The following CES1 variants were observed in gnomAD, a reference collection of about 807,000 sequenced individuals.
The protein encoded by CES1 is liver carboxylesterase 1.
CES1 carries 50 observed loss-of-function variants against 53.0 expected under a neutral mutation model. The observed-to-expected ratio is 0.94, with a 90% confidence interval of 0.75 to 1.19. CES1 has a LOEUF of 1.19. CES1 is among the 50% of genes most tolerant of loss of function. CES1 has a pLI of 0.00. For missense variants in CES1, 534 were observed against 538.0 expected (o/e 0.99, Z 0.07); for synonymous variants, 202 against 210.1 (o/e 0.96, Z 0.33).
chr16:55,830,870 G>A (rs2032636972), intron 1 of CES1, among the ~76,000 whole-genome samples: 1 of 152,008 alleles, frequency 6.6e-6, no homozygotes, highest in Non-Finnish European at 1.5e-5. Flanking sequence ...GGGAGGGAGG[G>A]AAAGAAAAGA....
intron 1 of CES1, among the ~76,000 whole-genome samples, chr16:55,830,819 A>AGGAAGGAAGGAAGGAAGGAAGGC: frequency 7.9e-6 from 1 of 127,364 alleles, no homozygotes; most frequent in African/African-American, 3.5e-5. Flanking sequence ...GGAAGGAAGG[A>AGGAAGGAAGGAAGGAAGGAAGGC]AGGCAGGCAG....
chr16:55,811,993 A>G (rs1340557601), intron 9 of CES1, among the ~76,000 whole-genome samples: 18 of 152,214 alleles, frequency 1.2e-4, no homozygotes, highest in African/African-American at 3.9e-4. Flanking sequence ...CAGGTGGTCT[A>G]GTCACATGAA....
chr16:55,830,434 C>A (rs1207379451), intron 1 of CES1, among the ~76,000 whole-genome samples: 2 of 151,978 alleles, frequency 1.3e-5, no homozygotes, highest in Admixed American at 6.6e-5. Flanking sequence ...ATCCTCCCCC[C>A]CATCTTAATT....
At chr16:55,813,807 CA>C (rs1362868174) in intron 8 of CES1, among the ~76,000 whole-genome samples, 18 of 152,336 alleles carry the variant, frequency 1.2e-4, no homozygotes, top group African/African-American at 4.1e-4. Flanking sequence ...GACATCACTA[CA>C]AAAAGCACAA....
In CES1 at chr16:55,816,982, G is replaced by A; in HGVS notation, c.907-20C>T. ...GAATTTCTGTGAAGACAAAGGCAGA[G>A]GATGTGGGTGAGAGGCTTACCAGGA... is the stretch of plus-strand genomic sequence containing the variant. On this transcript the variant is annotated intron_variant, in intron 7 of 13. Coordinates refer to ENST00000360526, the MANE Select transcript of CES1 (RefSeq NM_001025195.2). 3 of 1,614,156 alleles carry A rather than the reference G, an allele frequency of 1.9e-6. No homozygotes were observed. The highest frequency in any genetic ancestry group is 1.7e-5 in the Admixed American group (1 of 60,026).
At chr16:55,818,342 T>A (rs1276074554) in intron 7 of CES1, among the ~76,000 whole-genome samples, 5 of 152,226 alleles carry the variant, frequency 3.3e-5, no homozygotes, top group African/African-American at 9.7e-5. Context: ...CAGAAGATAC[T>A]CTAGACCCGC....
At chr16:55,809,761 G>A (rs1254343529) in intron 11 of CES1, among the ~76,000 whole-genome samples, 1 of 152,228 alleles carries the variant, frequency 6.6e-6, no homozygotes, top group African/African-American at 2.4e-5. Flanking sequence ...TGGATCCCAT[G>A]CAGGGCTCCC....
At position 55,812,963 on chromosome 16, in the gene CES1, G is replaced by A. The variant is rs2031767514; in HGVS notation, c.1026C>T (p.Phe342=). The change falls in exon 9 of 14, where the codon TTC becomes TTT. Residue 342 remains phenylalanine (F), a synonymous_variant. Transcript: ENST00000360526. ...TTCCGACCATGTAGGGGACAGTGTGGAAATTCCTTTCAGCTTGAAGCTCTT... is the reference window on the plus strand; with the variant it reads ...TTCCGACCATGTAGGGGACAGTGTGAAAATTCCTTTCAGCTTGAAGCTCTT... ...TPEELQAERN[F]HTVPYMVGIN... The A allele has an allele frequency of 6.2e-7, 1 of 1,613,934 alleles. No homozygotes were observed. The highest frequency in any genetic ancestry group is 1.1e-5 in the South Asian group (1 of 91,084).
chr16:55,830,341 G>C (rs1306367975), intron 1 of CES1, among the ~76,000 whole-genome samples: 1 of 152,098 alleles, frequency 6.6e-6, no homozygotes, highest in Admixed American at 6.5e-5. Flanking sequence ...ACATAGCAAT[G>C]GGTGGTGGCA....
chr16:55,829,226 T>C (rs1192451956), intron 1 of CES1, among the ~76,000 whole-genome samples: 1 of 152,296 alleles, frequency 6.6e-6, no homozygotes, highest in East Asian at 1.9e-4. Flanking sequence ...GGAGAGCTAC[T>C]AGGAAAGAAC....
chr16:55,827,909 G>A (rs2032480551), intron 2 of CES1: 1 of 152,102 alleles, frequency 6.6e-6, no homozygotes, highest in African/African-American at 2.4e-5. Flanking sequence ...ACTGATAGTT[G>A]TTCTCTCTGG....
At chr16:55,809,093 C>CAAAAAAAAA (rs376932562) in intron 11 of CES1, among the ~76,000 whole-genome samples, 2,353 of 71,858 alleles carry the variant, frequency 0.033, 447 homozygotes, top group African/African-American at 0.07. Context: ...GTAGTCCTGG[C>CAAAAAAAAA]AAAAAAAAAA....
rs760451430 is a variant in CES1 at position 55,819,652 on chromosome 16, C to T, written c.802-13G>A. 1 of 1,597,610 alleles carries T rather than the reference C, an allele frequency of 6.3e-7. No homozygotes were observed. The highest frequency in any genetic ancestry group is 1.1e-5 in the South Asian group (1 of 90,808). ...TGATAGCAATTTGCTGCAAAGATCA[C>T]AGGCAACAACAGAGTTCAAGAGCGA... On this transcript the variant is annotated splice_polypyrimidine_tract_variant and intron_variant, in intron 6 of 13. Transcript: ENST00000360526.
At chr16:55,829,664 A>G (rs1260097641) in intron 1 of CES1, among the ~76,000 whole-genome samples, 15 of 152,232 alleles carry the variant, frequency 9.9e-5, no homozygotes, top group African/African-American at 3.6e-4. Context: ...GGGGAGTGGA[A>G]AATATTCCTG....
intron 9 of CES1, among the ~76,000 whole-genome samples, chr16:55,812,149 A>G (rs1420967353): frequency 6.6e-6 from 1 of 152,244 alleles, no homozygotes; most frequent in Admixed American, 6.5e-5. Flanking sequence ...AATCTGTCCT[A>G]CTGCTTTAAC....
chr16:55,816,592 C>G (rs1387006223), intron 8 of CES1, among the ~76,000 whole-genome samples: 2 of 152,200 alleles, frequency 1.3e-5, no homozygotes, highest in Non-Finnish European at 2.9e-5. Flanking sequence ...ATCTCTGCCT[C>G]CTGATTGTGG....
Position 55,813,058 on chromosome 16 carries a change from G to C in CES1, c.946-15C>G. On this transcript the variant is annotated splice_polypyrimidine_tract_variant and intron_variant, in intron 8 of 13. Transcript: ENST00000360526. ...AGGGGTTGACTCTGGGGAGAGAGCAGTGCAGCACCTGTGATTCCCTCCCTA... is the reference window on the plus strand; with the variant it reads ...AGGGGTTGACTCTGGGGAGAGAGCACTGCAGCACCTGTGATTCCCTCCCTA... The C allele has an allele frequency of 6.2e-7, 1 of 1,613,832 alleles. No homozygotes were observed. Among genetic ancestry groups the C allele is most frequent in the South Asian group, 1.1e-5 (1 of 91,078 alleles).
At chr16:55,819,912 A>G in intron 6 of CES1, 1 of 585,164 alleles carries the variant, frequency 1.7e-6, no homozygotes, top group Middle Eastern at 4.6e-4. Flanking sequence ...ATGTGTCAAG[A>G]AATGTGAGGT....
intron 9 of CES1, 91 bp downstream of exon 9, chr16:55,812,812 T>TGCAGCTCGGAGAGGGAAGCATTCCTGG: frequency 6.5e-7 from 1 of 1,550,226 alleles, no homozygotes. Context: ...GGACTCAGAG[T>TGCAGCTCGGAGAGGGAAGCATTCCTGG]GCAGCTCGGA....
Sources: allele counts gnomAD v4.1 joint callset (sites outside exome capture counted in the v4.1 genomes callset), GRCh38; gene constraint gnomAD v4.1.1; transcripts MANE v1.5; gene names NCBI Gene and HGNC (gene_info 2026-07-23, HGNC 2026-07-21).